The following PIK3C2G variants were observed in gnomAD, a reference collection of about 807,000 sequenced individuals.
PIK3C2G encodes phosphatidylinositol-4-phosphate 3-kinase catalytic subunit type 2 gamma.
In PIK3C2G, 168 loss-of-function variants were observed where a neutral mutation model predicts 181.1. The ratio of observed to expected loss-of-function variants is 0.93; its 90% confidence interval spans 0.82 to 1.05. PIK3C2G has a LOEUF of 1.05. Ranked by LOEUF, PIK3C2G falls within the 50% of genes least tolerant of loss-of-function variation. PIK3C2G has a pLI of 0.00. For synonymous variants in PIK3C2G, 573 were observed against 592.2 expected, an observed-to-expected ratio of 0.97 and a Z score of 0.47; for missense variants, 1,869 against 1,732.8, an observed-to-expected ratio of 1.08 and a Z score of -1.40.
At chr12:18,269,164 G>A (rs578060954) in intron 1 of PIK3C2G, among the ~76,000 whole-genome samples, 5 of 151,876 alleles carry the variant, frequency 3.3e-5, no homozygotes, top group African/African-American at 1.2e-4. Flanking sequence ...CTCCTGCCTC[G>A]GCCTCCCAAA....
intron 24 of PIK3C2G, among the ~76,000 whole-genome samples, chr12:18,534,764 G>GGT (rs1430863950): frequency 6.6e-6 from 1 of 150,884 alleles, no homozygotes; most frequent in East Asian, 1.9e-4. Context: ...CAAGATTTTT[G>GGT]GTCCTGATAT....
intron 18 of PIK3C2G, among the ~76,000 whole-genome samples, chr12:18,470,987 G>C (rs1466273134): frequency 6.6e-6 from 1 of 152,072 alleles, no homozygotes; most frequent in East Asian, 1.9e-4. Flanking sequence ...TCCAAAGACA[G>C]ATTCAATTTT....
rs111372124 is a variant in PIK3C2G, at chr12:18,303,104, TTC to T, written c.1034+9091_1034+9092del. Among the ~76,000 whole-genome samples, 313 of 89,024 alleles carry T rather than the reference TTC, an allele frequency of 3.5e-3. 1 individual carries two copies. The highest frequency in any genetic ancestry group is 0.01 in the African/African-American group (278 of 26,968). The allele number at this position is 89,024 out of a possible 152,430, so 58.4% of individuals were successfully genotyped here. The stretch of plus-strand genomic sequence containing the variant: ...TAATTTCTTTTTCTTTTCTTTCTCT[TTC>T]TTTCTTTCCTTCTTTCTTTCTTTCT... On this transcript the variant is annotated intron_variant, in intron 5 of 32. Coordinates refer to ENST00000538779, the MANE Select transcript of PIK3C2G (RefSeq NM_001288772.2).
intron 6 of PIK3C2G, chr12:18,314,582 AT>A (rs1453853277): frequency 6.6e-6 from 1 of 152,356 alleles, no homozygotes; most frequent in Non-Finnish European, 1.5e-5. Flanking sequence ...TCTGACCCTG[AT>A]TATAAACTTT....
the PIK3C2G span, among the ~76,000 whole-genome samples, chr12:18,670,725 G>C: frequency 6.6e-6 from 1 of 152,188 alleles, no homozygotes; most frequent in Non-Finnish European, 1.5e-5. Context: ...CAGCTCTTCA[G>C]TGTTCTTTTT....
the PIK3C2G span, among the ~76,000 whole-genome samples, chr12:18,681,690 C>T: frequency 1.3e-5 from 2 of 151,914 alleles, no homozygotes; most frequent in African/African-American, 2.4e-5. Flanking sequence ...TCGCAAAGTC[C>T]GTATTCCTAA....
At chr12:18,704,108 A>G in the PIK3C2G span, among the ~76,000 whole-genome samples, 1 of 152,196 alleles carries the variant, frequency 6.6e-6, no homozygotes, top group Non-Finnish European at 1.5e-5. Context: ...TACAACAGAA[A>G]GTAATTCAGG....
chr12:18,414,249 C>G (rs1186080242), intron 16 of PIK3C2G, among the ~76,000 whole-genome samples: 1 of 152,076 alleles, frequency 6.6e-6, no homozygotes, highest in Non-Finnish European at 1.5e-5. Flanking sequence ...TATTCATTAA[C>G]TAGTTGGACA....
At chr12:18,580,530 T>G (rs1946443173) in intron 29 of PIK3C2G, among the ~76,000 whole-genome samples, 1 of 152,196 alleles carries the variant, frequency 6.6e-6, no homozygotes, top group African/African-American at 2.4e-5. Flanking sequence ...TGGAGCTAGC[T>G]GAGATTATGT....
intron 18 of PIK3C2G, among the ~76,000 whole-genome samples, chr12:18,432,681 G>C (rs1464717576): frequency 6.6e-6 from 1 of 152,126 alleles, no homozygotes. Context: ...ATTTGAATTT[G>C]GCATCCAAAA....
chr12:18,576,836 G>A lies in PIK3C2G; in HGVS notation c.4011+9779G>A, dbSNP rs559727563. On this transcript the variant is annotated intron_variant, in intron 29 of 32. Transcript: ENST00000538779. ...GATGCTGACATTCTCTGAAGGTCAC[G>A]TCTGTTCATTTATACTGTAGTCAAG... Among the ~76,000 whole-genome samples the A allele has an allele frequency of 1.9e-4, 29 of 152,256 alleles. 1 individual carries two copies. The South Asian group carries it at 3.1e-3, about 16-fold the overall frequency.
At chr12:18,600,444 C>CAAACCAAAT (rs1947647565) in intron 30 of PIK3C2G, among the ~76,000 whole-genome samples, 1 of 151,680 alleles carries the variant, frequency 6.6e-6, no homozygotes, top group Non-Finnish European at 1.5e-5. Flanking sequence ...AGTTACAAAC[C>CAAACCAAAT]AAACCAAATA....
Position 18,269,888 on chromosome 12 carries a change from C to T in PIK3C2G, c.-79+8311C>T, listed in dbSNP as rs1290326275. Among the ~76,000 whole-genome samples, 3 of 150,672 alleles carry T rather than the reference C, an allele frequency of 2.0e-5. 1 individual carries two copies. The highest frequency in any genetic ancestry group is 1.9e-4 in the East Asian group (1 of 5,146). The stretch of plus-strand genomic sequence containing the variant: ...CTATTTGTCAGACACTGACAAGTTA[C>T]CCTTTTTTCTTTTTTTTTCTTTTCT... On this transcript the variant is annotated intron_variant, in intron 1 of 32. Transcript: ENST00000538779.
At chr12:18,412,854 C>T (rs1431826848) in intron 16 of PIK3C2G, among the ~76,000 whole-genome samples, 2 of 152,108 alleles carry the variant, frequency 1.3e-5, no homozygotes, top group Non-Finnish European at 2.9e-5. Flanking sequence ...TGGAGAGTTA[C>T]CTAAACACTT....
chr12:18,464,547 T>C (rs1937641508), intron 18 of PIK3C2G, among the ~76,000 whole-genome samples: 1 of 152,116 alleles, frequency 6.6e-6, no homozygotes, highest in Admixed American at 6.6e-5. Context: ...ATATGACCTA[T>C]GCCAATCATA....
At chr12:18,522,408 T>A (rs1942976425) in intron 24 of PIK3C2G, among the ~76,000 whole-genome samples, 2 of 152,162 alleles carry the variant, frequency 1.3e-5, no homozygotes, top group Admixed American at 1.3e-4. Context: ...CTTAAATAAC[T>A]CCCATTAGCA....
chr12:18,695,571 C>A, the PIK3C2G span, among the ~76,000 whole-genome samples: 1 of 151,880 alleles, frequency 6.6e-6, no homozygotes, highest in Admixed American at 6.6e-5. Context: ...GTAGAGAGTA[C>A]CACACTCCAC....
At chr12:18,325,826 A>G (rs1951321739) in intron 8 of PIK3C2G, among the ~76,000 whole-genome samples, 1 of 152,166 alleles carries the variant, frequency 6.6e-6, no homozygotes, top group Non-Finnish European at 1.5e-5. Flanking sequence ...GGCTGGAAAA[A>G]AAATCAGATG....
intron 6 of PIK3C2G, among the ~76,000 whole-genome samples, chr12:18,314,335 T>C (rs1950769045): frequency 6.6e-6 from 1 of 152,176 alleles, no homozygotes; most frequent in Non-Finnish European, 1.5e-5. Context: ...GTTGAGGCCC[T>C]GGGTGATAGT....
Sources: allele counts gnomAD v4.1 joint callset (sites outside exome capture counted in the v4.1 genomes callset), GRCh38; gene constraint gnomAD v4.1.1; transcripts MANE v1.5; gene names NCBI Gene and HGNC (gene_info 2026-07-23, HGNC 2026-07-21).